Variants in PRKG2 observed in about 807,000 individuals in gnomAD.
PRKG2 encodes cGMP-dependent protein kinase 2.
In PRKG2, 33 loss-of-function variants were observed where a neutral mutation model predicts 97.2. That is an observed-to-expected ratio of 0.34 (90% CI 0.26 to 0.45). The LOEUF (loss-of-function observed/expected upper bound fraction) is 0.45. Among genes scored for constraint, PRKG2 ranks in the 20% least tolerant of loss-of-function variants. The pLI is 1.00. For synonymous variants in PRKG2, 330 were observed against 321.8 expected, an observed-to-expected ratio of 1.03 and a Z score of -0.27; for missense variants, 638 against 900.0, an observed-to-expected ratio of 0.71 and a Z score of 3.73.
At chr4:81,196,489 C>T (rs1220216412) in intron 2 of PRKG2, among the ~76,000 whole-genome samples, 1 of 152,102 alleles carries the variant, frequency 6.6e-6, no homozygotes, top group African/African-American at 2.4e-5. Flanking sequence ...TTGTTCTTCT[C>T]ACTTGTACTT....
intron 16 of PRKG2, among the ~76,000 whole-genome samples, chr4:81,104,898 C>CA (rs1267903945): frequency 6.6e-6 from 1 of 151,408 alleles, no homozygotes; most frequent in Non-Finnish European, 1.5e-5. Flanking sequence ...GAATTTTAAA[C>CA]AAAAAAAATC....
At chr4:81,139,977 A>T (rs1390916221) in intron 12 of PRKG2, among the ~76,000 whole-genome samples, 1 of 152,200 alleles carries the variant, frequency 6.6e-6, no homozygotes, top group African/African-American at 2.4e-5. Context: ...TACAAAAAAA[A>T]TGAGATTCTG....
chr4:81,188,744 A>G (rs1752136013), intron 2 of PRKG2, among the ~76,000 whole-genome samples: 1 of 116,342 alleles, frequency 8.6e-6, no homozygotes, highest in Non-Finnish European at 1.5e-5. Flanking sequence ...GAAATTGGAA[A>G]CCATCATTCT....
At chr4:81,171,478 TTA>T (rs1750472206) in intron 4 of PRKG2, among the ~76,000 whole-genome samples, 1 of 152,176 alleles carries the variant, frequency 6.6e-6, no homozygotes, top group African/African-American at 2.4e-5. Context: ...ATTTTACATT[TTA>T]TACACAGGTA....
intron 6 of PRKG2, among the ~76,000 whole-genome samples, chr4:81,155,094 C>T (rs1203861053): frequency 1.4e-5 from 2 of 141,830 alleles, no homozygotes; most frequent in Non-Finnish European, 3.0e-5. Flanking sequence ...AGGAGAATGG[C>T]GTGAACCCGG....
At chr4:81,159,518 A>C (rs1250616412) in intron 6 of PRKG2, among the ~76,000 whole-genome samples, 2 of 152,086 alleles carry the variant, frequency 1.3e-5, no homozygotes, top group Non-Finnish European at 2.9e-5. Flanking sequence ...GTGGGACTGT[A>C]AACTAGTTCA....
intron 9 of PRKG2, among the ~76,000 whole-genome samples, chr4:81,146,291 T>A (rs1747850949): frequency 6.6e-6 from 1 of 152,162 alleles, no homozygotes; most frequent in Admixed American, 6.5e-5. Context: ...TAAAGTCAAG[T>A]TTAAACAGCT....
intron 1 of PRKG2, among the ~76,000 whole-genome samples, chr4:81,208,973 G>A (rs1474176571): frequency 6.6e-6 from 1 of 152,112 alleles, no homozygotes; most frequent in Non-Finnish European, 1.5e-5. Context: ...AAAACATGGA[G>A]GCCCACCTAA....
At chr4:81,139,615 A>G (rs1747061097) in intron 12 of PRKG2, among the ~76,000 whole-genome samples, 1 of 151,370 alleles carries the variant, frequency 6.6e-6, no homozygotes, top group Non-Finnish European at 1.5e-5. Flanking sequence ...AAAATAGAAA[A>G]AAAAAAAAAA....
At chr4:81,203,609 C>A (rs896201055) in intron 2 of PRKG2, among the ~76,000 whole-genome samples, 9 of 152,058 alleles carry the variant, frequency 5.9e-5, no homozygotes, top group African/African-American at 1.7e-4. Flanking sequence ...TTAATAAATA[C>A]TCAGTTAAAA....
intron 2 of PRKG2, among the ~76,000 whole-genome samples, chr4:81,178,921 T>TA (rs1481494209): frequency 2.6e-5 from 4 of 151,934 alleles, no homozygotes. Flanking sequence ...AGTCAAGAGA[T>TA]AGAGACCATC....
chr4:81,123,805 T>G (rs1745301362), intron 14 of PRKG2, among the ~76,000 whole-genome samples: 2 of 152,212 alleles, frequency 1.3e-5, no homozygotes, highest in Non-Finnish European at 2.9e-5. Context: ...ATTTATGCTT[T>G]CTCTTTGATT....
chr4:81,201,712 A>G (rs1390051980), intron 2 of PRKG2, among the ~76,000 whole-genome samples: 2 of 152,162 alleles, frequency 1.3e-5, no homozygotes, highest in African/African-American at 2.4e-5. Flanking sequence ...AGAATCTATC[A>G]TGCCATCAAA....
At chr4:81,169,425 T>C (rs17005075) in intron 5 of PRKG2, among the ~76,000 whole-genome samples, 16,567 of 152,102 alleles carry the variant, frequency 0.11, 1,103 homozygotes, top group Middle Eastern at 0.21. Context: ...ACTATCACTC[T>C]ATCAATACAA....
chr4:81,204,124 G>A (rs979531842), intron 2 of PRKG2, among the ~76,000 whole-genome samples: 2 of 152,200 alleles, frequency 1.3e-5, no homozygotes, highest in African/African-American at 4.8e-5. Flanking sequence ...AGAGAGTAGA[G>A]ACCACCATAA....
chr4:81,090,327 C>T (rs1011573625), intron 18 of PRKG2, among the ~76,000 whole-genome samples: 6 of 151,834 alleles, frequency 4.0e-5, no homozygotes, highest in African/African-American at 1.4e-4. Flanking sequence ...CACTGCACTC[C>T]AGCCTGGGTA....
chr4:81,148,605 C>T (rs1245959068), intron 9 of PRKG2, among the ~76,000 whole-genome samples: 7 of 152,054 alleles, frequency 4.6e-5, no homozygotes, highest in Admixed American at 4.6e-4. Context: ...AACTTACTTC[C>T]CTAGAAGATG....
rs770168040 is a variant in PRKG2, at chr4:81,167,163, C to T, written c.910G>A (p.Val304Met). ...KLTKIIDCLEVEYYDKGDYII... is the reference protein window; with the variant it reads ...KLTKIIDCLEMEYYDKGDYII... ...TTTTTTACTTCAAAATTTCTTACCA[C>T]TTCCAAGCAGTCAATGATCTTGGTT... is the stretch of plus-strand genomic sequence containing the variant. The change falls in exon 6 of 19, where the codon GTG (valine) becomes ATG (methionine). Residue 304 changes from valine (V) to methionine (M), a missense_variant and splice_region_variant. By Grantham distance (21) the Val-to-Met change is conservative. Around this residue, in one of 3 missense-constraint regions of PRKG2, gnomAD observed 332 missense variants for 421.7 expected, o/e 0.79. Transcript: ENST00000264399. 5 of 1,585,552 alleles carry T rather than the reference C, an allele frequency of 3.2e-6. No homozygotes were observed. The Admixed American group carries it at 5.4e-5, about 17-fold the overall frequency.
chr4:81,172,810 C>T (rs1750605101), intron 3 of PRKG2, among the ~76,000 whole-genome samples: 1 of 152,094 alleles, frequency 6.6e-6, no homozygotes, highest in South Asian at 2.1e-4. Context: ...TTCAGCAAAA[C>T]TGATCCGAGT....
Sources: gnomAD v4.1 joint callset for allele counts (sites outside exome capture counted in the v4.1 genomes callset) on GRCh38, gnomAD v4.1.1 for gene constraint, gnomAD v4.1.1 regional missense constraint, MANE v1.5 for transcripts, NCBI Gene and HGNC (gene_info 2026-07-23, HGNC 2026-07-21) for gene names.